NKAIN2: variants seen among roughly 807,000 people sequenced by gnomAD.
The protein encoded by NKAIN2 is sodium/potassium transporting ATPase interacting 2.
In NKAIN2, 14 loss-of-function variants were observed where a neutral mutation model predicts 32.6. The observed-to-expected ratio is 0.43, with a 90% CI of 0.28 to 0.67. The LOEUF is 0.67. Among genes scored for constraint, NKAIN2 ranks in the 30% least tolerant of loss-of-function variants. The pLI, the probability that NKAIN2 is intolerant of heterozygous loss-of-function variation, is 0.17. For missense variants in NKAIN2, 198 were observed against 258.3 expected, an observed-to-expected ratio of 0.77 and a Z score of 1.60; for synonymous variants, 80 against 87.2, an observed-to-expected ratio of 0.92 and a Z score of 0.46.
intron 1 of NKAIN2, among the ~76,000 whole-genome samples, chr6:124,184,908 T>C (rs973851529): frequency 2.0e-5 from 3 of 152,158 alleles, no homozygotes; most frequent in Non-Finnish European, 4.4e-5. Context: ...GGGAATTAAT[T>C]AGTAGAAAAT....
At chr6:124,563,196 G>C (rs376986584) in intron 3 of NKAIN2, among the ~76,000 whole-genome samples, 1 of 151,840 alleles carries the variant, frequency 6.6e-6, no homozygotes, top group Non-Finnish European at 1.5e-5. Context: ...GAGCCACTGC[G>C]CCCGGCCAAA....
chr6:124,131,786 G>T (rs1786491904), intron 1 of NKAIN2, among the ~76,000 whole-genome samples: 1 of 152,264 alleles, frequency 6.6e-6, no homozygotes, highest in Non-Finnish European at 1.5e-5. Flanking sequence ...GTTCCTTGGG[G>T]TAGGCAACCA....
chr6:124,018,569 G>C (rs973966195), intron 1 of NKAIN2, among the ~76,000 whole-genome samples: 1 of 152,090 alleles, frequency 6.6e-6, no homozygotes, highest in Non-Finnish European at 1.5e-5. Flanking sequence ...AAGTTCAACA[G>C]ATCTCTAGGG....
In NKAIN2 at chr6:124,519,147, G is replaced by A. The variant is rs188324536; in HGVS notation, c.274-139039G>A. ...TCAGTTAGAAAAAATCAGGAAACTCGTTCCATTTCTTGTTCAAAATTAGCT... is the reference window on the plus strand; with the variant it reads ...TCAGTTAGAAAAAATCAGGAAACTCATTCCATTTCTTGTTCAAAATTAGCT... On this transcript the variant is annotated intron_variant, in intron 3 of 6. Coordinates refer to ENST00000368417, the MANE Select transcript of NKAIN2 (RefSeq NM_001040214.3). 3.9e-5 allele frequency among the ~76,000 whole-genome samples: 6 copies of A among 152,182 alleles called. No homozygotes were observed. In the South Asian group the frequency reaches 6.2e-4, roughly 16 times the overall value.
chr6:124,273,848 G>A (rs1370235601), intron 1 of NKAIN2, among the ~76,000 whole-genome samples: 3 of 152,110 alleles, frequency 2.0e-5, no homozygotes, highest in African/African-American at 7.2e-5. Flanking sequence ...AGGTTAAATG[G>A]ACGCATTATA....
intron 2 of NKAIN2, among the ~76,000 whole-genome samples, chr6:124,295,531 A>G (rs574835607): frequency 1.1e-4 from 17 of 152,244 alleles, no homozygotes; most frequent in South Asian, 6.2e-4. Context: ...AAATGCTGAC[A>G]CTGGCTGCTG....
intron 1 of NKAIN2, among the ~76,000 whole-genome samples, chr6:124,106,575 G>A (rs1785131498): frequency 6.6e-6 from 1 of 152,126 alleles, no homozygotes; most frequent in Admixed American, 6.5e-5. Context: ...AGGAAAGGCG[G>A]AATGATTTAA....
At chr6:124,697,766 A>G (rs187035097) in intron 4 of NKAIN2, among the ~76,000 whole-genome samples, 164 of 152,294 alleles carry the variant, frequency 1.1e-3, no homozygotes, top group Admixed American at 3.7e-3. Context: ...ACTAACAGGG[A>G]TCAGCAAAAG....
At chr6:124,184,946 T>C (rs1322686814) in intron 1 of NKAIN2, among the ~76,000 whole-genome samples, 3 of 152,194 alleles carry the variant, frequency 2.0e-5, no homozygotes, top group African/African-American at 7.2e-5. Flanking sequence ...AATATACATC[T>C]ATTTCTATCA....
chr6:124,475,912 AG>A (rs1017140674), intron 3 of NKAIN2, among the ~76,000 whole-genome samples: 3 of 152,156 alleles, frequency 2.0e-5, no homozygotes, highest in African/African-American at 4.8e-5. Flanking sequence ...GATTTTTAAA[AG>A]GCATCTCAGA....
intron 1 of NKAIN2, among the ~76,000 whole-genome samples, chr6:123,808,995 G>A (rs1388499636): frequency 2.6e-5 from 4 of 152,016 alleles, no homozygotes; most frequent in Admixed American, 6.6e-5. Context: ...AAAGTTAATG[G>A]CACCAATTGC....
intron 4 of NKAIN2, among the ~76,000 whole-genome samples, chr6:124,740,447 C>CGTGTGTGTGT (rs56154164): frequency 0.33 from 47,930 of 143,512 alleles, 8,110 homozygotes; most frequent in Admixed American, 0.38. Flanking sequence ...CACATATACA[C>CGTGTGTGTGT]GTGTGTGTGT....
chr6:124,052,965 G>A (rs1782480989), intron 1 of NKAIN2, among the ~76,000 whole-genome samples: 1 of 152,056 alleles, frequency 6.6e-6, no homozygotes, highest in Non-Finnish European at 1.5e-5. Flanking sequence ...GGAGAGTACG[G>A]GATGGAGAGA....
At chr6:124,614,127 C>T (rs563630445) in intron 3 of NKAIN2, among the ~76,000 whole-genome samples, 1 of 152,264 alleles carries the variant, frequency 6.6e-6, no homozygotes, top group East Asian at 1.9e-4. Flanking sequence ...GGCACGGTGG[C>T]TCATGCCTGT....
At chr6:124,053,705 T>C (rs1396197341) in intron 1 of NKAIN2, among the ~76,000 whole-genome samples, 1 of 152,068 alleles carries the variant, frequency 6.6e-6, no homozygotes, top group Non-Finnish European at 1.5e-5. Flanking sequence ...ACAGTCTCCT[T>C]TCTGTGGTAA....
chr6:124,497,824 T>TTAAAA (rs1554217444), intron 3 of NKAIN2, among the ~76,000 whole-genome samples: 1 of 105,710 alleles, frequency 9.5e-6, no homozygotes, highest in African/African-American at 3.6e-5. Flanking sequence ...GAGTAAGGGG[T>TTAAAA]AAAAAAAAAA....
chr6:124,510,821 T>C (rs1778681829), intron 3 of NKAIN2, among the ~76,000 whole-genome samples: 1 of 152,184 alleles, frequency 6.6e-6, no homozygotes, highest in South Asian at 2.1e-4. Flanking sequence ...TTTACTCACA[T>C]GTAGAAAATA....
intron 3 of NKAIN2, among the ~76,000 whole-genome samples, chr6:124,424,758 T>C (rs572769135): frequency 6.6e-6 from 1 of 152,310 alleles, no homozygotes; most frequent in South Asian, 2.1e-4. Context: ...AGGATTTCCT[T>C]CTTTTTAAGG....
rs760449316 is a variant in NKAIN2, at chr6:123,827,013, G to GT, written c.54+22767dup. Among the ~76,000 whole-genome samples, 63 of 151,602 alleles carry GT rather than the reference G, an allele frequency of 4.2e-4. 1 individual carries two copies. Among genetic ancestry groups the GT allele is most frequent in the Admixed American group, 1.4e-3 (21 of 15,186 alleles). ...GCATCCTGGCTGACACTTATTTTCT[G>GT]TTTTTTTTGATAATAGTCATCCTAA... is the stretch of plus-strand genomic sequence containing the variant. On this transcript the variant is annotated intron_variant, in intron 1 of 6. Transcript: ENST00000368417.
Sources: gnomAD v4.1 joint callset for allele counts (sites outside exome capture counted in the v4.1 genomes callset) on GRCh38, gnomAD v4.1.1 for gene constraint, MANE v1.5 for transcripts, NCBI Gene and HGNC (gene_info 2026-07-23, HGNC 2026-07-21) for gene names.